The following IQGAP3 variants were observed in gnomAD, a reference collection of about 807,000 sequenced individuals.
IQGAP3 encodes IQ motif containing GTPase activating protein 3.
In IQGAP3, 165 loss-of-function variants were observed where a neutral mutation model predicts 208.2. That is an observed-to-expected ratio of 0.79 (90% CI 0.70 to 0.90). The LOEUF is 0.90. Ranked by LOEUF, IQGAP3 falls within the 40% of genes least tolerant of loss-of-function variation. IQGAP3 has a pLI of 0.00. For missense variants in IQGAP3, 1,811 were observed against 2,043.1 expected (o/e 0.89, Z 2.19); for synonymous variants, 703 against 803.6 (o/e 0.87, Z 2.12).
intron 31 of IQGAP3, 54 bp downstream of exon 31, chr1:156,533,719 C>T: frequency 6.9e-7 from 1 of 1,443,694 alleles, no homozygotes; most frequent in Non-Finnish European, 9.7e-7. Flanking sequence ...CCTGCCTGTC[C>T]CTCCCTCCAT....
chr1:156,526,634 G>A (rs1370574027), intron 37 of IQGAP3, 35 bp from the exon 38 acceptor site: 2 of 1,431,518 alleles, frequency 1.4e-6, no homozygotes, highest in Non-Finnish European at 9.9e-7. Context: ...GAGTTTAAGG[G>A]CTTCTGAATG....
Position 156,534,200 on chromosome 1 carries a change from G to T in IQGAP3, c.3741-59C>A, listed in dbSNP as rs542368078. 6.9e-6 allele frequency: 11 copies of T among 1,604,296 alleles called. No individual in the cohort carries two copies. The South Asian group carries it at 1.1e-4, about 16-fold the overall frequency. On this transcript the variant is annotated intron_variant, in intron 29 of 37. Coordinates refer to ENST00000361170, the MANE Select transcript of IQGAP3 (RefSeq NM_178229.5). ...AGGGCCAGCACCCCACACATCTTCT[G>T]TCCCCATCATTTCCCCAGCCTTCTC... is the stretch of plus-strand genomic sequence containing the variant.
intron 19 of IQGAP3, among the ~76,000 whole-genome samples, chr1:156,547,763 C>T (rs1314079767): frequency 4.6e-5 from 7 of 152,200 alleles, no homozygotes; most frequent in South Asian, 2.1e-4. Flanking sequence ...TGAGATATTA[C>T]CTAACTTAAT....
At chr1:156,530,460 C>T in intron 33 of IQGAP3, 143 bp from the exon 34 acceptor site, 1 of 662,780 alleles carries the variant, frequency 1.5e-6, no homozygotes, top group Non-Finnish European at 2.6e-6. Flanking sequence ...AGAGCCCAGC[C>T]TCTGCAGGAT....
In IQGAP3 at chr1:156,538,880, G is replaced by A. The variant is rs372897460; in HGVS notation, c.3210C>T (p.Ser1070=). The A allele has an allele frequency of 4.1e-5, 66 of 1,614,170 alleles. No individual in the cohort carries two copies. In the Middle Eastern group the frequency reaches 5.0e-4, roughly 12 times the overall value. Residue 1070 remains serine, a synonymous_variant, in exon 26 of 38, where the codon AGC becomes AGT. Coordinates refer to ENST00000361170, the MANE Select transcript of IQGAP3 (RefSeq NM_178229.5). ...AGAGGTGGACAGGGTCTGTGTGGAC[G>A]CTGAGCACTTTGTCTTCTAGCACAT... ...IQDVLEDKVL[S]VHTDPVHLYK...
chr1:156,552,189 T>C, intron 13 of IQGAP3, 94 bp from the exon 14 acceptor site: 1 of 1,439,470 alleles, frequency 6.9e-7, no homozygotes, highest in African/African-American at 1.4e-5. Flanking sequence ...TCACTTGACC[T>C]CCAGGACACC....
chr1:156,527,300 T>A lies in IQGAP3; in HGVS notation c.4782+652A>T, dbSNP rs906844414. 4.0e-5 allele frequency among the ~76,000 whole-genome samples: 6 copies of A among 151,116 alleles called. No individual in the cohort carries two copies. In the East Asian group the frequency reaches 7.9e-4, roughly 20 times the overall value. ...TTCAAGACCAGCCTGACCAACATGG[T>A]GAAACCCCATCTCTACTAAAAATAC... On this transcript the variant is annotated intron_variant, in intron 37 of 37. Coordinates refer to ENST00000361170, the MANE Select transcript of IQGAP3 (RefSeq NM_178229.5).
At chr1:156,554,171 A>G in intron 13 of IQGAP3, 64 bp downstream of exon 13, 1 of 1,507,414 alleles carries the variant, frequency 6.6e-7, no homozygotes, top group Non-Finnish European at 8.9e-7. Flanking sequence ...CCAACAGAAG[A>G]GTGCTGAGTC....
chr1:156,556,595 C>G lies in IQGAP3; in HGVS notation c.1228G>C (p.Val410Leu), dbSNP rs11264498. The G allele has an allele frequency of 0.6, 964,267 of 1,613,370 alleles. 300,703 individuals carry two copies. Among genetic ancestry groups the G allele is most frequent in the Non-Finnish European group, 0.65 (768,331 of 1,179,614 alleles). Residue 410 changes from valine (V) to leucine (L), a missense_variant, in exon 12 of 38, where the codon GTG (valine) becomes CTG (leucine). Physicochemically the swap from Val to Leu is conservative, Grantham distance 32. Coordinates refer to ENST00000361170, the MANE Select transcript of IQGAP3 (RefSeq NM_178229.5). ...LMCPEAQLPP[V>L]YPVASSMYQL... is the part of the protein sequence containing the mutation. Reference sequence around the variant, plus strand: ...TACATAGACGATGCAACAGGGTACACTGGAGGCAGCTGGGCCTCAGGGCAC... The same window carrying G: ...TACATAGACGATGCAACAGGGTACAGTGGAGGCAGCTGGGCCTCAGGGCAC...
intron 27 of IQGAP3, among the ~76,000 whole-genome samples, chr1:156,535,690 A>G (rs940167031): frequency 6.6e-6 from 1 of 152,194 alleles, no homozygotes; most frequent in Non-Finnish European, 1.5e-5. Context: ...CAACCTTGTC[A>G]GCTGTCACAG....
At chr1:156,550,822 C>T (rs1557935047) in intron 15 of IQGAP3, among the ~76,000 whole-genome samples, 1 of 152,202 alleles carries the variant, frequency 6.6e-6, no homozygotes, top group Admixed American at 6.5e-5. Flanking sequence ...TTGCTCCACA[C>T]TCCTCTACCC....
intron 19 of IQGAP3, among the ~76,000 whole-genome samples, chr1:156,545,951 T>C (rs1423227501): frequency 1.3e-5 from 2 of 152,186 alleles, no homozygotes; most frequent in African/African-American, 2.4e-5. Flanking sequence ...TTCTGCCAGC[T>C]TTCCCTCAAG....
At chr1:156,551,920 G>C in intron 14 of IQGAP3, 52 bp from the exon 15 acceptor site, 1 of 1,599,148 alleles carries the variant, frequency 6.3e-7, no homozygotes, top group Non-Finnish European at 8.5e-7. Flanking sequence ...TAATGGCTAA[G>C]GGACAGGACT....
At position 156,528,917 on chromosome 1, in the gene IQGAP3, T is replaced by C. The variant is rs1355269900; in HGVS notation, c.4570A>G (p.Lys1524Glu). 4 of 1,614,190 alleles carry C rather than the reference T, an allele frequency of 2.5e-6. No individual in the cohort carries two copies. Among genetic ancestry groups the C allele is most frequent in the Admixed American group, 1.7e-5 (1 of 60,026 alleles). Residue 1524 changes from lysine (K) to glutamate (E), a missense_variant and splice_region_variant, in exon 35 of 38, where the codon AAG (lysine) becomes GAG (glutamate). Coordinates refer to ENST00000361170, the MANE Select transcript of IQGAP3 (RefSeq NM_178229.5). Reference protein sequence around the residue: ...ACLDHLAPDSKSSGKGKKQPS... With the variant: ...ACLDHLAPDSESSGKGKKQPS... ...CAAGTACGGGAAAGCAGCACCTACTTGGAGTCGGGGGCCAGGTGGTCCAGG... is the reference window on the plus strand; with the variant it reads ...CAAGTACGGGAAAGCAGCACCTACTCGGAGTCGGGGGCCAGGTGGTCCAGG...
intron 2 of IQGAP3, 53 bp downstream of exon 2, chr1:156,569,323 G>C (rs1262312783): frequency 8.6e-7 from 1 of 1,165,012 alleles, no homozygotes; most frequent in Non-Finnish European, 1.3e-6. Flanking sequence ...TGCCTAGGGT[G>C]GGGTGGTAGA....
chr1:156,527,072 C>T (rs1301905698), intron 37 of IQGAP3, among the ~76,000 whole-genome samples: 7 of 150,780 alleles, frequency 4.6e-5, no homozygotes, highest in Non-Finnish European at 8.9e-5. Flanking sequence ...ACCTCGTGAT[C>T]CGCCCGCCTC....
chr1:156,563,137 G>T lies in IQGAP3; in HGVS notation c.795C>A (p.Asn265Lys), dbSNP rs1364466979. The T allele has an allele frequency of 1.3e-6, 2 of 1,596,664 alleles. No individual in the cohort carries two copies. The highest frequency in any genetic ancestry group is 8.6e-7 in the Non-Finnish European group (1 of 1,168,460). ...AKMEKAANARNHDDRESQDIY... is the reference protein window; with the variant it reads ...AKMEKAANARKHDDRESQDIY... ...GCAACCCAAGACTACTCCTTACATG[G>T]TTCCTGGCATTGGCTGCCTTCTCCA... The change falls in exon 8 of 38, where the codon AAC becomes AAA. Residue 265 changes from asparagine to lysine, a missense_variant. By Grantham distance (94) the Asn-to-Lys change is moderately conservative. Transcript: ENST00000361170.
chr1:156,535,187 GTC>G lies in IQGAP3; in HGVS notation c.3481_3482del (p.Asp1161ArgfsTer8). ...LKATLAEKFPDATDSEVYKVV... is the reference protein window; with the variant it reads ...LKATLAEKFPXATDSEVYKVV... ...CCTTATAGACCTCGCTGTCTGTGGC[GTC>G]AGGGAATTTCTCTGCCAGAGTTGCC... On this transcript the variant is annotated frameshift_variant, in exon 28 of 38. Coordinates refer to ENST00000361170, the MANE Select transcript of IQGAP3 (RefSeq NM_178229.5). LOFTEE classifies it high-confidence loss of function. The G allele has an allele frequency of 6.2e-7, 1 of 1,613,452 alleles. No homozygotes were observed. Among genetic ancestry groups the G allele is most frequent in the South Asian group, 1.1e-5 (1 of 91,044 alleles).
chr1:156,546,745 C>A (rs182017505), intron 19 of IQGAP3, among the ~76,000 whole-genome samples: 1 of 152,260 alleles, frequency 6.6e-6, no homozygotes, highest in Admixed American at 6.5e-5. Flanking sequence ...AGTGGTAGGA[C>A]CAGGAGGCAA....
Sources: gnomAD v4.1 joint callset for allele counts (sites outside exome capture counted in the v4.1 genomes callset) on GRCh38, gnomAD v4.1.1 for gene constraint, MANE v1.5 for transcripts, NCBI Gene and HGNC (gene_info 2026-07-23, HGNC 2026-07-21) for gene names.